The following MAMDC4 variants were observed in gnomAD, a reference collection of about 807,000 sequenced individuals.
The protein encoded by MAMDC4 is apical endosomal glycoprotein.
Under a neutral mutation model 153.3 loss-of-function variants are expected in MAMDC4, and 168 were observed. The ratio of observed to expected loss-of-function variants is 1.10; its 90% confidence interval spans 0.97 to 1.25. The LOEUF (loss-of-function observed/expected upper bound fraction) is 1.25, where lower values mean the gene tolerates loss of function less well. MAMDC4 is among the 50% of genes most tolerant of loss of function. MAMDC4 has a pLI of 0.00. For missense variants in MAMDC4, 1,701 were observed against 1,542.8 expected (o/e 1.10, Z -1.72); for synonymous variants, 744 against 651.5 (o/e 1.14, Z -2.16).
chr9:136,859,327 G>T lies in MAMDC4; in HGVS notation c.3193+10G>T. 1 of 1,603,702 alleles carries T rather than the reference G, an allele frequency of 6.2e-7. No individual in the cohort carries two copies. The highest frequency in any genetic ancestry group is 8.5e-7 in the Non-Finnish European group (1 of 1,175,712). ...CCTGCCCCCAGCCCGGGTGAGCCCT[G>T]GGCTGCAGTGGAGGCACGGAGGAGG... is the stretch of plus-strand genomic sequence containing the variant. On this transcript the variant is annotated intron_variant, in intron 25 of 26. Coordinates refer to ENST00000317446, the MANE Select transcript of MAMDC4 (RefSeq NM_206920.3).
At chr9:136,853,717 G>A (rs1250742210) in intron 4 of MAMDC4, 47 bp downstream of exon 4, 2 of 1,603,376 alleles carry the variant, frequency 1.2e-6, no homozygotes, top group Non-Finnish European at 1.7e-6. Flanking sequence ...CAAGGGGAGG[G>A]CGGGTGGGCA....
chr9:136,854,879 C>G (rs368282227), intron 9 of MAMDC4, 29 bp downstream of exon 9: 598 of 1,612,552 alleles, frequency 3.7e-4, no homozygotes, highest in Admixed American at 4.5e-4. Context: ...ACAGGGCCTC[C>G]CTGCTCTCCG....
intron 1 of MAMDC4, 39 bp downstream of exon 1, chr9:136,852,501 G>A (rs757641998): frequency 1.9e-6 from 3 of 1,602,570 alleles, no homozygotes; most frequent in African/African-American, 1.3e-5. Context: ...AGGACCAGGG[G>A]CCCTGGCTTC....
rs1178180089 is a variant in MAMDC4 at position 136,854,455 on chromosome 9, T to C, written c.797-84T>C. 10 of 1,522,208 alleles carry C rather than the reference T, an allele frequency of 6.6e-6. No individual in the cohort carries two copies. The Admixed American group carries it at 2.0e-4, about 31-fold the overall frequency. 94.3% of individuals were successfully genotyped at this position (1,522,208 alleles called of 1,614,324 possible). The stretch of plus-strand genomic sequence containing the variant: ...TTGGATGGTCCTTCTTGGGGTGTGG[T>C]TGCCAGGGCCCCCCTGGAGCTGGGG... On this transcript the variant is annotated intron_variant, in intron 7 of 26. Transcript: ENST00000317446.
intron 17 of MAMDC4, 22 bp downstream of exon 17, chr9:136,857,320 G>A: frequency 6.2e-7 from 1 of 1,606,968 alleles, no homozygotes; most frequent in Non-Finnish European, 8.5e-7. Flanking sequence ...CACCCGGGTG[G>A]GAGGACAGGG....
At chr9:136,859,402 G>A in intron 25 of MAMDC4, 85 bp downstream of exon 25, 1 of 1,244,998 alleles carries the variant, frequency 8.0e-7, no homozygotes, top group Non-Finnish European at 1.1e-6. Flanking sequence ...CCAGTGTGTG[G>A]TCCCAGGAGC....
At position 136,856,143 on chromosome 9, in the gene MAMDC4, C is replaced by T; in HGVS notation, c.1714C>T (p.Pro572Ser). 6.2e-7 allele frequency: 1 copy of T among 1,611,966 alleles called. No individual in the cohort carries two copies. Among genetic ancestry groups the T allele is most frequent in the Non-Finnish European group, 8.5e-7 (1 of 1,179,568 alleles). ...CCTGGCTTATTATTTACAGAGCCAG[C>T]CCCGAGGTACCGCCACACTCCGCAA... is the stretch of plus-strand genomic sequence containing the variant. ...LHLAYYLQSQ[P>S]REVSCNFERD... The change falls in exon 14 of 27, where the codon CCC (proline) becomes TCC (serine). Residue 572 changes from proline (P) to serine (S), a missense_variant. Transcript: ENST00000317446.
At position 136,857,758 on chromosome 9, in the gene MAMDC4, G is replaced by C; in HGVS notation, c.2426G>C (p.Cys809Ser). Residue 809 changes from cysteine to serine, a missense_variant, in exon 19 of 27, where the codon TGT (cysteine) becomes TCT (serine). Transcript: ENST00000317446. Reference protein sequence around the residue: ...KEHRPLAQPACLTFWYHGSLR... With the variant: ...KEHRPLAQPASLTFWYHGSLR... ...CACAGGCCCCTGGCCCAGCCTGCTT[G>C]TCTGACCTTCTGGTACCACGGGAGC... The C allele has an allele frequency of 4.3e-6, 7 of 1,612,672 alleles. No individual in the cohort carries two copies. The highest frequency in any genetic ancestry group is 5.9e-6 in the Non-Finnish European group (7 of 1,179,880).
In MAMDC4 at chr9:136,859,816, C is replaced by T. The variant is rs1849059681; in HGVS notation, c.3194-70C>T. Reference sequence around the variant, plus strand: ...AGCAGAGGCTGAGGGACCATGCAGCCCCAGGCTTCCTCCTTAGCCCCAGAT... The same window carrying T: ...AGCAGAGGCTGAGGGACCATGCAGCTCCAGGCTTCCTCCTTAGCCCCAGAT... On this transcript the variant is annotated intron_variant, in intron 25 of 26. Coordinates refer to ENST00000317446, the MANE Select transcript of MAMDC4 (RefSeq NM_206920.3). The T allele has an allele frequency of 1.9e-6, 3 of 1,547,260 alleles. No homozygotes were observed. In the South Asian group the frequency reaches 3.5e-5, roughly 18 times the overall value.
In MAMDC4 at chr9:136,853,341, G is replaced by A. The variant is rs201231152; in HGVS notation, c.211G>A (p.Asp71Asn). ...GAPFACDFEQ[D>N]PCGWRDISTS... ...CCCCTTCGCCTGTGACTTCGAGCAG[G>A]ACCCCTGCGGCTGGCGGGACATTAG... Residue 71 changes from aspartate (D) to asparagine (N), a missense_variant, in exon 3 of 27, where the codon GAC (aspartate) becomes AAC (asparagine). Coordinates refer to ENST00000317446, the MANE Select transcript of MAMDC4 (RefSeq NM_206920.3). 1.2e-6 allele frequency: 2 copies of A among 1,606,942 alleles called. No homozygotes were observed. The highest frequency in any genetic ancestry group is 1.3e-5 in the African/African-American group (1 of 74,946).
intron 1 of MAMDC4, 145 bp downstream of exon 1, chr9:136,852,607 C>T: frequency 9.6e-7 from 1 of 1,042,000 alleles, no homozygotes; most frequent in South Asian, 1.4e-5. Flanking sequence ...GGCCGGCCTG[C>T]AAGGGGGGTG....
intron 3 of MAMDC4, 34 bp from the exon 4 acceptor site, chr9:136,853,511 C>T (rs749223962): frequency 2.5e-5 from 41 of 1,612,394 alleles, no homozygotes; most frequent in Non-Finnish European, 3.4e-5. Context: ...CTCCTTGCTC[C>T]CTGCCCCGTC....
At chr9:136,858,567 G>A in intron 22 of MAMDC4, 21 bp downstream of exon 22, 3 of 1,563,714 alleles carry the variant, frequency 1.9e-6, no homozygotes, top group Non-Finnish European at 1.7e-6. Flanking sequence ...ACTGGAGCCA[G>A]GTGGGGAGGC....
At position 136,858,288 on chromosome 9, in the gene MAMDC4, G is replaced by C; in HGVS notation, c.2674+12G>C. Reference sequence around the variant, plus strand: ...CTGCCCTCAGCCAGGTGGGAGCCCTGCCGTGGCCTCGGCCCTGCTCTGGGG... The same window carrying C: ...CTGCCCTCAGCCAGGTGGGAGCCCTCCCGTGGCCTCGGCCCTGCTCTGGGG... On this transcript the variant is annotated intron_variant, in intron 21 of 26. Transcript: ENST00000317446. 2 of 1,601,322 alleles carry C rather than the reference G, an allele frequency of 1.2e-6. No individual in the cohort carries two copies. The highest frequency in any genetic ancestry group is 1.7e-6 in the Non-Finnish European group (2 of 1,179,378).
At position 136,860,048 on chromosome 9, in the gene MAMDC4, A is replaced by G. The variant is rs1490625863; in HGVS notation, c.3356A>G (p.Asn1119Ser). ...NTEATAPGFD[N>S]ILFNADGVTL... Reference sequence around the variant, plus strand: ...GAGGCCACAGCCCCTGGCTTTGACAACATCCTTTTCAATGCGGTAGGAGCC... The same window carrying G: ...GAGGCCACAGCCCCTGGCTTTGACAGCATCCTTTTCAATGCGGTAGGAGCC... The change falls in exon 26 of 27, where the codon AAC becomes AGC. Residue 1119 changes from asparagine to serine, a missense_variant. Asn to Ser is a conservative substitution (Grantham distance 46). Transcript: ENST00000317446. 2 of 1,592,348 alleles carry G rather than the reference A, an allele frequency of 1.3e-6. No individual in the cohort carries two copies. The highest frequency in any genetic ancestry group is 1.7e-6 in the Non-Finnish European group (2 of 1,169,336).
At chr9:136,858,949 T>G in intron 23 of MAMDC4, 56 bp from the exon 24 acceptor site, 1 of 1,522,176 alleles carries the variant, frequency 6.6e-7, no homozygotes. Flanking sequence ...CGCCCCTGGT[T>G]AGGCGTGCAG....
In MAMDC4 at chr9:136,854,067, G is replaced by A. The variant is rs1251641552; in HGVS notation, c.661G>A (p.Gly221Ser). ...AGATGACCTAGAGTTCTGGGACTGT[G>A]GTCTGCCCAGTAAGGCACCGCCTCT... ...ALDDLEFWDC[G>S]LPTPQANCPP... is the part of the protein sequence containing the mutation. The change falls in exon 6 of 27, where the codon GGT (glycine) becomes AGT (serine). Residue 221 changes from glycine to serine, a missense_variant. Gly to Ser is a moderately conservative substitution (Grantham distance 56). Transcript: ENST00000317446. The A allele has an allele frequency of 6.2e-7, 1 of 1,612,618 alleles. No homozygotes were observed. The highest frequency in any genetic ancestry group is 1.3e-5 in the African/African-American group (1 of 74,898).
intron 26 of MAMDC4, 135 bp from the exon 27 acceptor site, chr9:136,860,427 A>G (rs1174480080): frequency 5.4e-6 from 5 of 922,194 alleles, no homozygotes; most frequent in African/African-American, 5.0e-5. Context: ...AGGCTGAGGC[A>G]GGAGAATCGC....
In MAMDC4 at chr9:136,855,036, C is replaced by G; in HGVS notation, c.1123C>G (p.Arg375Gly). The G allele has an allele frequency of 6.2e-7, 1 of 1,607,440 alleles. No homozygotes were observed. Among genetic ancestry groups the G allele is most frequent in the Non-Finnish European group, 8.5e-7 (1 of 1,178,350 alleles). The change falls in exon 10 of 27, where the codon CGG (arginine) becomes GGG (glycine). Residue 375 changes from arginine to glycine, a missense_variant. By Grantham distance (125) the Arg-to-Gly change is moderately radical (BLOSUM62 -2). Transcript: ENST00000317446. ...PGAPRAPVLL[R>G]RRRGELGTAW... Reference sequence around the variant, plus strand: ...CGCCCCCCGGGCCCCCGTCCTGCTGCGGAGGCGCCGAGGGGAGCTGGGGAC... The same window carrying G: ...CGCCCCCCGGGCCCCCGTCCTGCTGGGGAGGCGCCGAGGGGAGCTGGGGAC...
Sources: allele counts gnomAD v4.1 joint callset, GRCh38; gene constraint gnomAD v4.1.1; transcripts MANE v1.5; gene names NCBI Gene and HGNC (gene_info 2026-07-23, HGNC 2026-07-21).